PLCL2: variants seen among roughly 807,000 people sequenced by gnomAD.
PLCL2 encodes the protein phospholipase C like 2.
A neutral mutation model predicts 79.6 loss-of-function variants in PLCL2; 4 were observed. That is an observed-to-expected ratio of 0.05 (90% CI 0.02 to 0.11). The LOEUF (loss-of-function observed/expected upper bound fraction) is 0.11. Ranked by LOEUF, PLCL2 falls within the 10% of genes least tolerant of loss-of-function variation. The pLI is 1.00. For missense variants in PLCL2, 895 were observed against 1,291.0 expected, an observed-to-expected ratio of 0.69 and a Z score of 4.70; for synonymous variants, 484 against 457.7, an observed-to-expected ratio of 1.06 and a Z score of -0.73.
At chr3:16,994,229 G>T (rs968441071) in intron 1 of PLCL2, among the ~76,000 whole-genome samples, 3 of 152,186 alleles carry the variant, frequency 2.0e-5, no homozygotes, top group African/African-American at 7.2e-5. Flanking sequence ...CAGGAAAATG[G>T]CAGAACTGGA....
intron 1 of PLCL2, among the ~76,000 whole-genome samples, chr3:16,987,185 A>AGAT (rs1452972552): frequency 1.3e-5 from 2 of 152,102 alleles, no homozygotes; most frequent in African/African-American, 4.8e-5. Context: ...TGAGGTCATC[A>AGAT]GCTCCTAGCA....
In PLCL2 at chr3:16,886,375, T is replaced by C. The variant is rs1696223175; in HGVS notation, c.327+1009T>C. Among the ~76,000 whole-genome samples, 1 of 152,230 alleles carries C rather than the reference T, an allele frequency of 6.6e-6. No homozygotes were observed. Among genetic ancestry groups the C allele is most frequent in the East Asian group, 1.9e-4 (1 of 5,200 alleles). On this transcript the variant is annotated intron_variant, in intron 1 of 5. Coordinates refer to ENST00000615277, the MANE Select transcript of PLCL2 (RefSeq NM_001144382.2). This position sits in a 1 kb window ranked among gnomAD's most constrained non-coding sequence, Gnocchi z 4.2. ...ATTGACAGGCTGCACCCACCCTTCCTGTGGCTGATAACTGGTGGGAGGGCA... is the reference window on the plus strand; with the variant it reads ...ATTGACAGGCTGCACCCACCCTTCCCGTGGCTGATAACTGGTGGGAGGGCA...
At chr3:16,962,430 T>C (rs1304317085) in intron 1 of PLCL2, among the ~76,000 whole-genome samples, 1 of 151,768 alleles carries the variant, frequency 6.6e-6, no homozygotes. Flanking sequence ...TTTCTTTTTT[T>C]TTTTTCCCCA....
intron 1 of PLCL2, among the ~76,000 whole-genome samples, chr3:16,991,558 A>G (rs550766353): frequency 2.0e-5 from 3 of 152,284 alleles, no homozygotes; most frequent in African/African-American, 4.8e-5. Context: ...AAAATCCATT[A>G]TATCTTCTAA....
chr3:17,054,579 AG>A (rs1241740091), intron 4 of PLCL2, among the ~76,000 whole-genome samples: 1 of 152,032 alleles, frequency 6.6e-6, no homozygotes, highest in Non-Finnish European at 1.5e-5. Context: ...CCCAAGCAGG[AG>A]AAAGAGAGTG....
chr3:16,968,080 C>G (rs1244524251), intron 1 of PLCL2, among the ~76,000 whole-genome samples: 1 of 151,942 alleles, frequency 6.6e-6, no homozygotes, highest in Admixed American at 6.6e-5. Flanking sequence ...TTTAGGTATG[C>G]AGCATTATTT....
intron 1 of PLCL2, among the ~76,000 whole-genome samples, chr3:16,955,744 A>G (rs2063698437): frequency 6.6e-6 from 1 of 152,124 alleles, no homozygotes; most frequent in South Asian, 2.1e-4. Context: ...GGTCCTTCCC[A>G]TCCCTTGTAA....
At chr3:16,902,996 T>G (rs1696664361) in intron 1 of PLCL2, among the ~76,000 whole-genome samples, 1 of 152,144 alleles carries the variant, frequency 6.6e-6, no homozygotes, top group African/African-American at 2.4e-5. Context: ...ATGCACTGGT[T>G]CATTTGAAAT....
intron 1 of PLCL2, among the ~76,000 whole-genome samples, chr3:16,969,185 A>G (rs2063834208): frequency 6.6e-6 from 1 of 152,108 alleles, no homozygotes; most frequent in Non-Finnish European, 1.5e-5. Context: ...TTCATCAAGG[A>G]TATTGGCCTG....
chr3:16,927,313 C>G (rs1221071699), intron 1 of PLCL2, among the ~76,000 whole-genome samples: 2 of 151,656 alleles, frequency 1.3e-5, no homozygotes, highest in Non-Finnish European at 2.9e-5. Context: ...TAATATTATG[C>G]TACAAATGTG....
chr3:16,957,614 A>G (rs1045752459), intron 1 of PLCL2, among the ~76,000 whole-genome samples: 6 of 152,060 alleles, frequency 3.9e-5, no homozygotes, highest in Admixed American at 2.0e-4. Flanking sequence ...GATCTGTCTA[A>G]TGTTGACAGT....
chr3:16,921,919 G>GA (rs1211032023), intron 1 of PLCL2, among the ~76,000 whole-genome samples: 6 of 152,022 alleles, frequency 3.9e-5, no homozygotes, highest in Non-Finnish European at 4.4e-5. Context: ...ATGGGAAAAA[G>GA]AAAATTAAAG....
intron 1 of PLCL2, among the ~76,000 whole-genome samples, chr3:16,953,737 T>G (rs2063673502): frequency 1.3e-5 from 2 of 152,122 alleles, no homozygotes; most frequent in South Asian, 4.1e-4. Context: ...ATTAGTACCA[T>G]TAGTCCAGAC....
At chr3:16,902,598 A>G (rs959142131) in intron 1 of PLCL2, among the ~76,000 whole-genome samples, 1 of 152,134 alleles carries the variant, frequency 6.6e-6, no homozygotes, top group African/African-American at 2.4e-5. Flanking sequence ...ATGCCAAGGC[A>G]GGTAGATCAC....
rs2065257109 is a variant in PLCL2 at position 17,089,947 on chromosome 3, C to T, written c.*35C>T. 1 of 1,584,246 alleles carries T rather than the reference C, an allele frequency of 6.3e-7. No individual in the cohort carries two copies. ...CAATAAACCATTATGGAGTTTATAA[C>T]TCTAGGACCAATTGTAGTCAGATGG... On this transcript the variant is annotated 3_prime_UTR_variant, in exon 6 of 6. Coordinates refer to ENST00000615277, the MANE Select transcript of PLCL2 (RefSeq NM_001144382.2).
At chr3:17,032,830 G>T (rs1241037306) in intron 3 of PLCL2, among the ~76,000 whole-genome samples, 1 of 152,136 alleles carries the variant, frequency 6.6e-6, no homozygotes, top group Non-Finnish European at 1.5e-5. Context: ...TATATGATAA[G>T]CATATGCCTG....
chr3:16,957,783 A>C (rs1185486215), intron 1 of PLCL2, among the ~76,000 whole-genome samples: 2 of 152,098 alleles, frequency 1.3e-5, no homozygotes, highest in East Asian at 1.9e-4. Flanking sequence ...CCATTATGTA[A>C]TGGCCTTCTT....
intron 4 of PLCL2, among the ~76,000 whole-genome samples, chr3:17,053,840 G>T (rs945705494): frequency 1.3e-5 from 2 of 152,160 alleles, no homozygotes; most frequent in Non-Finnish European, 2.9e-5. Context: ...CTAGGCCTCA[G>T]GTCTGTGATA....
intron 1 of PLCL2, among the ~76,000 whole-genome samples, chr3:16,963,989 ATAAT>A (rs533072267): frequency 4.6e-5 from 7 of 152,154 alleles, no homozygotes; most frequent in Non-Finnish European, 8.8e-5. Flanking sequence ...AAAAGTTATA[ATAAT>A]TAAAGTTACC....
Sources: allele counts gnomAD v4.1 joint callset (sites outside exome capture counted in the v4.1 genomes callset), GRCh38; gene constraint gnomAD v4.1.1; non-coding constraint Gnocchi (gnomAD v3.1); transcripts MANE v1.5; gene names NCBI Gene and HGNC (gene_info 2026-07-23, HGNC 2026-07-21).